BMPR2: variants seen among roughly 807,000 people sequenced by gnomAD.
BMPR2 encodes bone morphogenetic protein receptor type 2.
BMPR2 carries 29 observed loss-of-function variants against 100.8 expected under a neutral mutation model. The observed-to-expected ratio is 0.29, with a 90% CI of 0.21 to 0.39. The LOEUF is 0.39. BMPR2 is among the 10% of genes least tolerant of loss of function. The pLI is 1.00. For missense variants in BMPR2, 1,011 were observed against 1,274.5 expected, an observed-to-expected ratio of 0.79 and a Z score of 3.15; for synonymous variants, 382 against 442.3, an observed-to-expected ratio of 0.86 and a Z score of 1.71.
intron 3 of BMPR2, among the ~76,000 whole-genome samples, chr2:202,479,098 A>G (rs1692608926): frequency 2.6e-5 from 4 of 152,210 alleles, no homozygotes; most frequent in Admixed American, 1.3e-4. Context: ...CAAATTAGAC[A>G]AAAGTGATGG....
chr2:202,489,757 G>T (rs996837630), intron 3 of BMPR2, among the ~76,000 whole-genome samples: 9 of 152,160 alleles, frequency 5.9e-5, no homozygotes, highest in African/African-American at 2.2e-4. Context: ...GTCTACAATT[G>T]TGAGAAAAAC....
chr2:202,544,928 C>T (rs952828694), intron 10 of BMPR2, among the ~76,000 whole-genome samples: 1 of 151,458 alleles, frequency 6.6e-6, no homozygotes, highest in Non-Finnish European at 1.5e-5. Context: ...CTTTGCCTGG[C>T]TTTTTAAATT....
At chr2:202,499,764 A>G (rs1687335549) in intron 3 of BMPR2, among the ~76,000 whole-genome samples, 1 of 152,126 alleles carries the variant, frequency 6.6e-6, no homozygotes, top group Non-Finnish European at 1.5e-5. Context: ...AAACCTGGCA[A>G]CCTCGGTGTT....
rs1247233141 is a variant in BMPR2 at position 202,485,296 on chromosome 2, CTAAAAA to C, written c.418+17611_418+17616del. Among the ~76,000 whole-genome samples the C allele has an allele frequency of 2.6e-5, 4 of 151,874 alleles. No homozygotes were observed. In the East Asian group the frequency reaches 7.7e-4, roughly 29 times the overall value. On this transcript the variant is annotated intron_variant, in intron 3 of 12. Transcript: ENST00000374580. Reference sequence around the variant, plus strand: ...TAATAAATTATCACAAATAGGGTGACTAAAAATAACAGAAATTTGTTCTTGGACAGC... The same window carrying C: ...TAATAAATTATCACAAATAGGGTGACTAACAGAAATTTGTTCTTGGACAGC...
chr2:202,497,447 C>T (rs190531431), intron 3 of BMPR2, among the ~76,000 whole-genome samples: 13 of 152,292 alleles, frequency 8.5e-5, no homozygotes, highest in Non-Finnish European at 8.8e-5. Context: ...AGTAAAGACA[C>T]GGGTGTCAGG....
At chr2:202,487,205 G>T (rs956620765) in intron 3 of BMPR2, among the ~76,000 whole-genome samples, 2 of 152,062 alleles carry the variant, frequency 1.3e-5, no homozygotes, top group African/African-American at 4.8e-5. Context: ...GCATAAATAA[G>T]TTTGATTTTC....
chr2:202,514,958 A>T lies in BMPR2; in HGVS notation c.600A>T (p.Leu200=). The change falls in exon 5 of 13, where the codon CTA becomes CTT. Residue 200 remains leucine, a synonymous_variant. Transcript: ENST00000374580. ...CAGCATCCGAACCCTCTCTTGATCT[A>T]GATAATCTGAAACTGTTGGAGGTAA... The part of the protein sequence containing the change: ...EAAASEPSLD[L]DNLKLLELIG... 1 of 1,614,128 alleles carries T rather than the reference A, an allele frequency of 6.2e-7. No homozygotes were observed. Among genetic ancestry groups the T allele is most frequent in the East Asian group, 2.2e-5 (1 of 44,868 alleles).
rs1231305138 is a variant in BMPR2, at chr2:202,376,440, C to T, written c.-1035C>T. Among the ~76,000 whole-genome samples, 9 of 145,312 alleles carry T rather than the reference C, an allele frequency of 6.2e-5. No homozygotes were observed. Among genetic ancestry groups the T allele is most frequent in the Admixed American group, 2.1e-4 (3 of 14,542 alleles). On this transcript the variant is annotated 5_prime_UTR_variant, in exon 1 of 13. Transcript: ENST00000374580. ...CCCTTCCCCGGCTACCTTCATCCGCCCTCCCGCCGCCCCCCGCCCTCGGTC... is the reference window on the plus strand; with the variant it reads ...CCCTTCCCCGGCTACCTTCATCCGCTCTCCCGCCGCCCCCCGCCCTCGGTC...
At chr2:202,420,237 A>T (rs1691229810) in intron 1 of BMPR2, among the ~76,000 whole-genome samples, 2 of 152,128 alleles carry the variant, frequency 1.3e-5, no homozygotes. Flanking sequence ...TTGACCATCA[A>T]AAGGTAGCTT....
At chr2:202,468,670 A>G (rs988015387) in intron 3 of BMPR2, among the ~76,000 whole-genome samples, 3 of 152,228 alleles carry the variant, frequency 2.0e-5, no homozygotes, top group African/African-American at 7.2e-5. Flanking sequence ...ATTAGGAAGT[A>G]AATGTCCAAG....
chr2:202,546,305 G>T (rs1489208627), intron 10 of BMPR2, among the ~76,000 whole-genome samples: 2 of 152,118 alleles, frequency 1.3e-5, no homozygotes, highest in African/African-American at 4.8e-5. Context: ...TTGAGATTAA[G>T]AAACATTCCT....
rs1326402785 is a variant in BMPR2, at chr2:202,567,293, C to A, written c.*7347C>A. 1 of 152,558 alleles carries A rather than the reference C, an allele frequency of 6.6e-6. No individual in the cohort carries two copies. The highest frequency in any genetic ancestry group is 1.5e-5 in the Non-Finnish European group (1 of 68,024). The allele number at this position is 152,558 out of a possible 1,614,324, so 9.5% of individuals were successfully genotyped here. On this transcript the variant is annotated 3_prime_UTR_variant, in exon 13 of 13. Coordinates refer to ENST00000374580, the MANE Select transcript of BMPR2 (RefSeq NM_001204.7). ...GTATTCACTTCTGAGGATGCTTTTC[C>A]GGAAAAAGAAAGGCTAGAAAATACT... is the stretch of plus-strand genomic sequence containing the variant.
At chr2:202,476,362 C>G (rs141060822) in intron 3 of BMPR2, among the ~76,000 whole-genome samples, 1 of 152,058 alleles carries the variant, frequency 6.6e-6, no homozygotes, top group Non-Finnish European at 1.5e-5. Context: ...AAACTAATTA[C>G]CCATCTAATA....
At chr2:202,409,116 GGGTGAATCACTTGA>G (rs1303474170) in intron 1 of BMPR2, among the ~76,000 whole-genome samples, 1 of 152,168 alleles carries the variant, frequency 6.6e-6, no homozygotes, top group African/African-American at 2.4e-5. Context: ...AGGCCGAGGT[GGGTGAATCACTTGA>G]GGCCAGGAGT....
rs1559066916 is a variant in BMPR2, at chr2:202,532,473, A to G, written c.1129-112A>G. 1.5e-6 allele frequency: 2 copies of G among 1,298,942 alleles called. No individual in the cohort carries two copies. The highest frequency in any genetic ancestry group is 1.1e-6 in the Non-Finnish European group (1 of 919,176). 80.5% of individuals were successfully genotyped at this position (1,298,942 alleles called of 1,614,324 possible). On this transcript the variant is annotated intron_variant, in intron 8 of 12. Transcript: ENST00000374580. This position sits in a 1 kb window ranked among gnomAD's most constrained non-coding sequence, Gnocchi z 4.1. ...TATAGAAAGGTTTAATGACATGGTT[A>G]GGGTCAAATAACATTGACATGACTA...
intron 1 of BMPR2, among the ~76,000 whole-genome samples, chr2:202,407,057 C>T (rs1690907689): frequency 6.6e-6 from 1 of 151,658 alleles, no homozygotes; most frequent in Non-Finnish European, 1.5e-5. Flanking sequence ...AAGTGATTCT[C>T]CTGCATTAGC....
chr2:202,536,777 C>T (rs1688167362), intron 9 of BMPR2, among the ~76,000 whole-genome samples: 1 of 145,418 alleles, frequency 6.9e-6, no homozygotes, highest in African/African-American at 2.6e-5. Flanking sequence ...GAGGCTGAGG[C>T]AGGAGAATCG....
chr2:202,514,109 C>G (rs1415786046), intron 4 of BMPR2, among the ~76,000 whole-genome samples: 1 of 151,818 alleles, frequency 6.6e-6, no homozygotes, highest in African/African-American at 2.4e-5. Flanking sequence ...CTCTACAATA[C>G]AAGAGCTTTT....
intron 1 of BMPR2, among the ~76,000 whole-genome samples, chr2:202,383,910 A>T (rs1690359287): frequency 6.6e-6 from 1 of 151,430 alleles, no homozygotes; most frequent in Admixed American, 6.6e-5. Flanking sequence ...GGTGGCTCAT[A>T]CCTGTAATCC....
Sources: allele counts gnomAD v4.1 joint callset (sites outside exome capture counted in the v4.1 genomes callset), GRCh38; gene constraint gnomAD v4.1.1; non-coding constraint Gnocchi (gnomAD v3.1); transcripts MANE v1.5; gene names NCBI Gene and HGNC (gene_info 2026-07-23, HGNC 2026-07-21).